Variants in CCDC7 observed in about 807,000 individuals in gnomAD.
The protein encoded by CCDC7 is coiled-coil domain containing 7, also known as coiled-coil domain-containing protein 7.
A neutral mutation model predicts 196.9 loss-of-function variants in CCDC7; 183 were observed. The ratio of observed to expected loss-of-function variants is 0.93; its 90% confidence interval spans 0.82 to 1.05. The LOEUF is 1.05. CCDC7 is among the 50% of genes least tolerant of loss of function. CCDC7 has a pLI of 0.00. For synonymous variants in CCDC7, 525 were observed against 484.6 expected, an observed-to-expected ratio of 1.08 and a Z score of -1.10; for missense variants, 1,540 against 1,482.2, an observed-to-expected ratio of 1.04 and a Z score of -0.64.
At chr10:32,683,878 G>T in intron 21 of CCDC7, among the ~76,000 whole-genome samples, 1 of 152,320 alleles carries the variant, frequency 6.6e-6, no homozygotes, top group Admixed American at 6.5e-5. Flanking sequence ...CCTGGGACCT[G>T]CATGAAAAGC....
Position 32,686,539 on chromosome 10 carries a change from A to C in CCDC7, c.2233+459A>C, listed in dbSNP as rs185184999. 3.3e-5 allele frequency among the ~76,000 whole-genome samples: 5 copies of C among 152,332 alleles called. No individual in the cohort carries two copies. In the East Asian group the frequency reaches 7.7e-4, roughly 24 times the overall value. ...AGGCCTGTTGGATGGACTCGAGGGCATTCTGTTGGTTGGGGCCTGCTCCAG... is the reference window on the plus strand; with the variant it reads ...AGGCCTGTTGGATGGACTCGAGGGCCTTCTGTTGGTTGGGGCCTGCTCCAG... On this transcript the variant is annotated intron_variant, in intron 22 of 41. Coordinates refer to ENST00000639629, the Ensembl canonical transcript of CCDC7.
intron 28 of CCDC7, among the ~76,000 whole-genome samples, chr10:32,777,024 C>A (rs2080169374): frequency 6.6e-6 from 1 of 151,982 alleles, no homozygotes. Flanking sequence ...AGCATAATAC[C>A]CAAGAGGTCA....
chr10:32,673,830 G>T (rs892893795), intron 21 of CCDC7, among the ~76,000 whole-genome samples: 1 of 151,928 alleles, frequency 6.6e-6, no homozygotes, highest in African/African-American at 2.4e-5. Context: ...TCTTGATTCA[G>T]TCTTGGTAGG....
intron 28 of CCDC7, among the ~76,000 whole-genome samples, chr10:32,740,660 A>G (rs1420717784): frequency 6.6e-6 from 1 of 152,184 alleles, no homozygotes; most frequent in African/African-American, 2.4e-5. Flanking sequence ...TCCTAATTTT[A>G]ATTGAAAAGA....
chr10:32,826,973 A>G (rs1268276848), intron 32 of CCDC7, among the ~76,000 whole-genome samples: 1 of 152,268 alleles, frequency 6.6e-6, no homozygotes, highest in East Asian at 1.9e-4. Context: ...GGTGACAAAG[A>G]CATTTGGGGA....
At chr10:32,840,607 G>C (rs2092912853) in intron 33 of CCDC7, among the ~76,000 whole-genome samples, 1 of 151,804 alleles carries the variant, frequency 6.6e-6, no homozygotes, top group South Asian at 2.1e-4. Context: ...CTACTGAGGT[G>C]ATTCCAAAAG....
Position 32,487,110 on chromosome 10 carries a change from C to A in CCDC7, c.797-4812C>A, listed in dbSNP as rs902366468. 3.3e-5 allele frequency among the ~76,000 whole-genome samples: 5 copies of A among 152,276 alleles called. No homozygotes were observed. In the South Asian group the frequency reaches 6.2e-4, roughly 19 times the overall value. On this transcript the variant is annotated intron_variant, in intron 8 of 41. Transcript: ENST00000639629. Reference sequence around the variant, plus strand: ...GTTTTCCAACTTGGTTCCATTCTCCCCATCACTTTCAGGTACACTAATCAG... The same window carrying A: ...GTTTTCCAACTTGGTTCCATTCTCCACATCACTTTCAGGTACACTAATCAG...
chr10:32,505,315 T>G (rs1024859644), intron 9 of CCDC7, among the ~76,000 whole-genome samples: 2 of 152,138 alleles, frequency 1.3e-5, no homozygotes, highest in Non-Finnish European at 2.9e-5. Flanking sequence ...CTGGTTTTCC[T>G]AGGCAGAGGT....
chr10:32,758,368 C>T (rs779334614), intron 28 of CCDC7, among the ~76,000 whole-genome samples: 13 of 152,106 alleles, frequency 8.5e-5, no homozygotes, highest in East Asian at 3.8e-4. Context: ...ACTGGCAATC[C>T]GAATCCAGCA....
chr10:32,782,787 G>A (rs967264645), intron 29 of CCDC7, among the ~76,000 whole-genome samples: 1 of 152,132 alleles, frequency 6.6e-6, no homozygotes, highest in East Asian at 1.9e-4. Flanking sequence ...GTGATATACT[G>A]GCATAAAGCA....
chr10:32,699,227 T>C (rs1432346990), intron 24 of CCDC7, among the ~76,000 whole-genome samples: 1 of 104,530 alleles, frequency 9.6e-6, no homozygotes, highest in Non-Finnish European at 1.8e-5. Context: ...ACAACAGGCC[T>C]TGTGTGTGAT....
intron 11 of CCDC7, among the ~76,000 whole-genome samples, chr10:32,539,276 A>T (rs184889433): frequency 7.9e-5 from 12 of 151,860 alleles, no homozygotes; most frequent in Non-Finnish European, 1.3e-4. Flanking sequence ...TTCTAGTTTG[A>T]TGTACTCATT....
chr10:32,482,718 A>G (rs1193661184), intron 8 of CCDC7, among the ~76,000 whole-genome samples: 1 of 150,940 alleles, frequency 6.6e-6, no homozygotes, highest in East Asian at 2.0e-4. Context: ...CTCATTGTTC[A>G]GTTCCCACCT....
chr10:32,523,621 C>T (rs1187693572), intron 11 of CCDC7, among the ~76,000 whole-genome samples: 35 of 151,212 alleles, frequency 2.3e-4, no homozygotes, highest in Non-Finnish European at 1.5e-5. Context: ...TTCTCTTTAG[C>T]TCTAATAATA....
At chr10:32,831,858 CAAAT>C (rs1234412764) in intron 32 of CCDC7, among the ~76,000 whole-genome samples, 1 of 151,932 alleles carries the variant, frequency 6.6e-6, no homozygotes, top group African/African-American at 2.4e-5. Flanking sequence ...TATGCATACT[CAAAT>C]AAAAATAAAA....
intron 11 of CCDC7, among the ~76,000 whole-genome samples, chr10:32,529,581 G>T (rs933350330): frequency 1.3e-5 from 2 of 152,056 alleles, no homozygotes; most frequent in South Asian, 2.1e-4. Context: ...TTTGAAAATT[G>T]TCTATTCATG....
intron 32 of CCDC7, among the ~76,000 whole-genome samples, chr10:32,830,054 G>A (rs1455703395): frequency 1.4e-5 from 2 of 143,696 alleles, no homozygotes; most frequent in African/African-American, 5.0e-5. Flanking sequence ...CCTATTGTGG[G>A]ACCTTGTGAT....
intron 29 of CCDC7, among the ~76,000 whole-genome samples, chr10:32,786,425 T>C (rs935212664): frequency 3.3e-5 from 5 of 152,208 alleles, no homozygotes; most frequent in Non-Finnish European, 7.4e-5. Flanking sequence ...AAACCATTCC[T>C]GAGGAAGCTC....
chr10:32,726,690 A>G (rs775321948), intron 25 of CCDC7, 44 bp from the exon 27 acceptor site: 1 of 1,145,380 alleles, frequency 8.7e-7, no homozygotes, highest in Non-Finnish European at 1.3e-6. Flanking sequence ...TTGTTTTTTC[A>G]TTTAGCGGAC....
Sources: allele counts gnomAD v4.1 joint callset (sites outside exome capture counted in the v4.1 genomes callset), GRCh38; gene constraint gnomAD v4.1.1; transcripts MANE v1.5; gene names NCBI Gene and HGNC (gene_info 2026-07-23, HGNC 2026-07-21).